ITGB1: variants seen among roughly 807,000 people sequenced by gnomAD.
ITGB1 encodes the protein integrin subunit beta 1.
ITGB1 carries 24 observed loss-of-function variants against 86.5 expected under a neutral mutation model. The observed-to-expected ratio is 0.28, with a 90% confidence interval of 0.20 to 0.39. ITGB1 has a LOEUF of 0.39. Among genes scored for constraint, ITGB1 ranks in the 10% least tolerant of loss-of-function variants. ITGB1 has a pLI of 1.00. For synonymous variants in ITGB1, 323 were observed against 316.8 expected, an observed-to-expected ratio of 1.02 and a Z score of -0.21; for missense variants, 556 against 946.9, an observed-to-expected ratio of 0.59 and a Z score of 5.42.
At chr10:32,910,549 A>C in intron 13 of ITGB1, 94 bp from the exon 14 acceptor site, 1 of 769,718 alleles carries the variant, frequency 1.3e-6, no homozygotes, top group Non-Finnish European at 2.1e-6. Flanking sequence ...CTTGTGACCA[A>C]ATTGAACAAA....
intron 8 of ITGB1, 30 bp downstream of exon 8, chr10:32,922,610 A>C (rs553233125): frequency 1.5e-6 from 2 of 1,336,556 alleles, no homozygotes; most frequent in East Asian, 2.3e-5. Context: ...AAATGTTTAG[A>C]ATCTTGTTCT....
At chr10:32,944,946 A>T in intron 1 of ITGB1, 4 of 1,215,768 alleles carry the variant, frequency 3.3e-6, no homozygotes, top group Non-Finnish European at 4.8e-6. Flanking sequence ...GAATATTACC[A>T]AGCTTTTCTA....
At chr10:32,937,812 G>A (rs2095007766) in intron 1 of ITGB1, among the ~76,000 whole-genome samples, 1 of 152,148 alleles carries the variant, frequency 6.6e-6, no homozygotes, top group Non-Finnish European at 1.5e-5. Flanking sequence ...CAATTTAACT[G>A]TGCAATTATT....
chr10:32,900,489 G>GT lies in ITGB1; in HGVS notation c.*1080dup, dbSNP rs1248149831. 1 of 150,822 alleles carries GT rather than the reference G, an allele frequency of 6.6e-6. No homozygotes were observed. Among genetic ancestry groups the GT allele is most frequent in the Non-Finnish European group, 1.5e-5 (1 of 67,560 alleles). The allele number at this position is 150,822 out of a possible 1,614,324, so 9.3% of individuals were successfully genotyped here. Reference sequence around the variant, plus strand: ...AACTAAAGGCACTTAAAACAAGAATGTGACTAGTGTGAAACAAGATGGGCA... The same window carrying GT: ...AACTAAAGGCACTTAAAACAAGAATGTTGACTAGTGTGAAACAAGATGGGCA... On this transcript the variant is annotated 3_prime_UTR_variant, in exon 16 of 16. Coordinates refer to ENST00000302278, the MANE Select transcript of ITGB1 (RefSeq NM_002211.4).
intron 15 of ITGB1, 97 bp from the exon 16 acceptor site, chr10:32,901,732 A>G: frequency 1.3e-6 from 1 of 752,426 alleles, no homozygotes; most frequent in Non-Finnish European, 2.2e-6. Flanking sequence ...CAATCATCTT[A>G]AGAAGTCATT....
chr10:32,924,071 G>A (rs2137209411), intron 6 of ITGB1, among the ~76,000 whole-genome samples: 1 of 152,258 alleles, frequency 6.6e-6, no homozygotes, highest in Non-Finnish European at 1.5e-5. Flanking sequence ...ACACTGCTTG[G>A]CAAGCAGTAA....
intron 1 of ITGB1, among the ~76,000 whole-genome samples, chr10:32,957,135 C>T (rs1298601673): frequency 6.6e-6 from 1 of 152,126 alleles, no homozygotes; most frequent in East Asian, 1.9e-4. Flanking sequence ...TTGGCCCTCA[C>T]TGTCATTATT....
intron 14 of ITGB1, 43 bp from the exon 15 acceptor site, chr10:32,908,577 G>C (rs773996160): frequency 6.4e-7 from 1 of 1,554,312 alleles, no homozygotes; most frequent in African/African-American, 1.4e-5. Flanking sequence ...AAAGAGCTGT[G>C]CAGTGTCTTA....
At chr10:32,936,965 C>T (rs1208056985) in intron 1 of ITGB1, among the ~76,000 whole-genome samples, 6 of 152,038 alleles carry the variant, frequency 3.9e-5, no homozygotes, top group African/African-American at 9.7e-5. Flanking sequence ...CAGATGGCTG[C>T]GAGAAACCAA....
At chr10:32,906,968 T>TA in intron 15 of ITGB1, 1 of 573,802 alleles carries the variant, frequency 1.7e-6, no homozygotes. Context: ...AAGCCAGACT[T>TA]AAAAAAAGAA....
chr10:32,938,396 C>CTTTACTTTATTTTA (rs1463334349), intron 1 of ITGB1, among the ~76,000 whole-genome samples: 1 of 152,216 alleles, frequency 6.6e-6, no homozygotes, highest in Non-Finnish European at 1.5e-5. Flanking sequence ...ACAACTCAGG[C>CTTTACTTTATTTTA]TGTTTAATGA....
intron 1 of ITGB1, among the ~76,000 whole-genome samples, chr10:32,956,848 G>C (rs1420136754): frequency 6.6e-6 from 1 of 152,124 alleles, no homozygotes; most frequent in Admixed American, 6.5e-5. Flanking sequence ...GGGCTGAAAA[G>C]GAGTCAATAC....
intron 11 of ITGB1, among the ~76,000 whole-genome samples, chr10:32,915,626 T>C (rs967449598): frequency 6.6e-6 from 1 of 152,124 alleles, no homozygotes; most frequent in South Asian, 2.1e-4. Flanking sequence ...AGAAGTTGAA[T>C]CACTGAATAG....
intron 11 of ITGB1, among the ~76,000 whole-genome samples, chr10:32,916,530 A>C (rs1477205846): frequency 6.6e-6 from 1 of 152,210 alleles, no homozygotes; most frequent in Non-Finnish European, 1.5e-5. Flanking sequence ...AATCACAGGC[A>C]TTCCTGTACA....
intron 1 of ITGB1, chr10:32,944,563 T>A (rs867967412): frequency 2.1e-6 from 1 of 485,144 alleles, no homozygotes; most frequent in African/African-American, 2.0e-5. Context: ...ACGCTTTCAT[T>A]GACCAAAGGA....
At chr10:32,901,723 A>C in intron 15 of ITGB1, 88 bp from the exon 16 acceptor site, 1 of 841,004 alleles carries the variant, frequency 1.2e-6, no homozygotes. Context: ...TAAAAGTTGC[A>C]ATCATCTTAA....
At chr10:32,936,179 A>C (rs1161350436) in intron 1 of ITGB1, 3 of 152,336 alleles carry the variant, frequency 2.0e-5, no homozygotes, top group Admixed American at 6.5e-5. Context: ...TCACGCCTGG[A>C]ATCTCAGCAC....
chr10:32,954,728 T>C (rs1477552996), intron 1 of ITGB1, among the ~76,000 whole-genome samples: 1 of 152,222 alleles, frequency 6.6e-6, no homozygotes, highest in Admixed American at 6.5e-5. Context: ...TACATACATA[T>C]ATGTGCTTGT....
At chr10:32,912,711 C>T (rs991557846) in intron 11 of ITGB1, among the ~76,000 whole-genome samples, 1 of 152,216 alleles carries the variant, frequency 6.6e-6, no homozygotes, top group Non-Finnish European at 1.5e-5. Flanking sequence ...GGCCTGCCTG[C>T]CTCTGTAGAC....
Sources: gnomAD v4.1 joint callset for allele counts (sites outside exome capture counted in the v4.1 genomes callset) on GRCh38, gnomAD v4.1.1 for gene constraint, MANE v1.5 for transcripts, NCBI Gene and HGNC (gene_info 2026-07-23, HGNC 2026-07-21) for gene names.